Variants in PNKD observed in about 807,000 individuals in gnomAD.
PNKD encodes PNKD metallo-beta-lactamase domain containing, also known as probable thioesterase PNKD.
PNKD carries 36 observed loss-of-function variants against 45.3 expected under a neutral mutation model. The observed-to-expected ratio is 0.80, with a 90% CI of 0.61 to 1.05. The LOEUF (loss-of-function observed/expected upper bound fraction) is 1.05. PNKD is among the 50% of genes least tolerant of loss of function. The pLI, the probability that PNKD is intolerant of heterozygous loss-of-function variation, is 0.00. For synonymous variants in PNKD, 197 were observed against 210.1 expected, an observed-to-expected ratio of 0.94 and a Z score of 0.54; for missense variants, 511 against 506.6, an observed-to-expected ratio of 1.01 and a Z score of -0.08.
intron 2 of PNKD, among the ~76,000 whole-genome samples, chr2:218,294,357 C>T (rs1177690911): frequency 6.6e-6 from 1 of 152,280 alleles, no homozygotes; most frequent in East Asian, 1.9e-4. Flanking sequence ...ATGTATTGCT[C>T]ACAGTTCTGG....
chr2:218,310,242 A>G (rs1021842986), intron 2 of PNKD, among the ~76,000 whole-genome samples: 1 of 152,130 alleles, frequency 6.6e-6, no homozygotes, highest in Non-Finnish European at 1.5e-5. Flanking sequence ...TGTTTTTTTG[A>G]GACGGAATCT....
intron 2 of PNKD, chr2:218,278,141 GACA>G: frequency 1.4e-6 from 1 of 690,660 alleles, no homozygotes. Context: ...GGTACGCAGG[GACA>G]ACATGGGCCA....
intron 2 of PNKD, among the ~76,000 whole-genome samples, chr2:218,273,213 C>T (rs1431486058): frequency 6.6e-6 from 1 of 152,242 alleles, no homozygotes; most frequent in Non-Finnish European, 1.5e-5. Context: ...AAAAGCACTG[C>T]TCTTTACTGA....
At chr2:218,299,890 G>A (rs1452565440) in intron 2 of PNKD, among the ~76,000 whole-genome samples, 1 of 152,098 alleles carries the variant, frequency 6.6e-6, no homozygotes, top group African/African-American at 2.4e-5. Context: ...CAAAGTGCTG[G>A]GATTACAGGC....
rs1694830666 is a variant in PNKD, at chr2:218,346,535, C to T, written c.*1554C>T. 6.5e-6 allele frequency: 1 copy of T among 154,006 alleles called. No homozygotes were observed. Among genetic ancestry groups the T allele is most frequent in the African/African-American group, 2.4e-5 (1 of 41,444 alleles). 9.5% of individuals were successfully genotyped at this position (154,006 alleles called of 1,614,324 possible). ...CTGGCAAGTTCATCTCTCACGATCCCCTCAAAGGCCCCCTCCTCCAGGAAG... is the reference window on the plus strand; with the variant it reads ...CTGGCAAGTTCATCTCTCACGATCCTCTCAAAGGCCCCCTCCTCCAGGAAG... On this transcript the variant is annotated 3_prime_UTR_variant, in exon 10 of 10. Transcript: ENST00000273077.
chr2:218,338,594 C>G (rs1458001994), intron 2 of PNKD, among the ~76,000 whole-genome samples: 1 of 152,028 alleles, frequency 6.6e-6, no homozygotes, highest in South Asian at 2.1e-4. Flanking sequence ...AACTGAGACC[C>G]CATCTCTACA....
chr2:218,272,711 T>G, intron 2 of PNKD: 1 of 1,614,196 alleles, frequency 6.2e-7, no homozygotes, highest in African/African-American at 1.3e-5. Context: ...GGTTCAGGGC[T>G]TCCTCCCAGA....
At chr2:218,322,101 T>C (rs1398016839) in intron 2 of PNKD, among the ~76,000 whole-genome samples, 2 of 151,944 alleles carry the variant, frequency 1.3e-5, no homozygotes, top group Admixed American at 1.3e-4. Context: ...TTTGTATTTT[T>C]AGTAAAGACG....
At chr2:218,294,717 A>G (rs1339063759) in intron 2 of PNKD, among the ~76,000 whole-genome samples, 6 of 152,110 alleles carry the variant, frequency 3.9e-5, no homozygotes, top group African/African-American at 1.2e-4. Flanking sequence ...GGCTCAAGCA[A>G]TTTGCCCTCC....
At chr2:218,272,748 G>A (rs1690899887) in intron 2 of PNKD, 4 of 1,614,182 alleles carry the variant, frequency 2.5e-6, no homozygotes, top group Non-Finnish European at 3.4e-6. Flanking sequence ...TGTTGGGTCT[G>A]GGGTGCAGAC....
At chr2:218,281,889 T>C in intron 2 of PNKD, 3 of 1,474,276 alleles carry the variant, frequency 2.0e-6, no homozygotes, top group Non-Finnish European at 2.8e-6. Context: ...CCTCATCTGC[T>C]CCAAGTGCTG....
At chr2:218,291,636 C>T (rs747587623) in intron 2 of PNKD, among the ~76,000 whole-genome samples, 3 of 152,240 alleles carry the variant, frequency 2.0e-5, no homozygotes, top group South Asian at 2.1e-4. Context: ...GAATTGGTGC[C>T]GACCCCACAA....
In PNKD at chr2:218,282,226, G is replaced by A. The variant is rs558788541; in HGVS notation, c.236+10677G>A. The A allele has an allele frequency of 7.5e-5, 87 of 1,164,018 alleles. No homozygotes were observed. In the African/African-American group the frequency reaches 1.1e-3, roughly 15 times the overall value. 72.1% of individuals were successfully genotyped at this position (1,164,018 alleles called of 1,614,324 possible). A position where few individuals can be genotyped will look rare whatever the true frequency, so the allele number is the denominator to read the frequency against. Reference sequence around the variant, plus strand: ...AAGCAATCGTGAATGCCCAGGCCCAGCTCACTCAGCCTCATGGGCCCACTT... The same window carrying A: ...AAGCAATCGTGAATGCCCAGGCCCAACTCACTCAGCCTCATGGGCCCACTT... On this transcript the variant is annotated intron_variant, in intron 2 of 9. Coordinates refer to ENST00000273077, the MANE Select transcript of PNKD (RefSeq NM_015488.5).
intron 2 of PNKD, among the ~76,000 whole-genome samples, chr2:218,292,133 G>A (rs1196888136): frequency 6.6e-6 from 1 of 152,196 alleles, no homozygotes; most frequent in African/African-American, 2.4e-5. Flanking sequence ...GATAGGCCCT[G>A]CGACAGAGAG....
At chr2:218,292,129 C>T (rs1692968574) in intron 2 of PNKD, among the ~76,000 whole-genome samples, 1 of 152,188 alleles carries the variant, frequency 6.6e-6, no homozygotes, top group Non-Finnish European at 1.5e-5. Flanking sequence ...GGTGGATAGG[C>T]CCTGCGACAG....
In PNKD at chr2:218,343,596, C is replaced by T. The variant is rs201666546; in HGVS notation, c.868+10C>T. 5.6e-6 allele frequency: 9 copies of T among 1,597,284 alleles called. No homozygotes were observed. In the East Asian group the frequency reaches 1.6e-4, roughly 28 times the overall value. ...ACCCTTCTGTGGCCTGGTGAGACAC[C>T]CCCTTACTACTCCCCATCCTCCAGC... On this transcript the variant is annotated intron_variant, in intron 8 of 9. Transcript: ENST00000273077.
chr2:218,314,372 C>T (rs1414163707), intron 2 of PNKD, among the ~76,000 whole-genome samples: 2 of 151,878 alleles, frequency 1.3e-5, no homozygotes, highest in Admixed American at 6.6e-5. Flanking sequence ...CAGGCGTGTA[C>T]CACCAAGCCT....
intron 2 of PNKD, among the ~76,000 whole-genome samples, chr2:218,338,961 C>CT (rs561427392): frequency 2.5e-4 from 37 of 149,640 alleles, no homozygotes; most frequent in Middle Eastern, 3.7e-3. Context: ...CCCAGCTATT[C>CT]TTTTTTTTGT....
chr2:218,340,586 C>T lies in PNKD; in HGVS notation c.466-142C>T. 1 of 729,908 alleles carries T rather than the reference C, an allele frequency of 1.4e-6. No individual in the cohort carries two copies. The highest frequency in any genetic ancestry group is 2.5e-6 in the Non-Finnish European group (1 of 399,522). 45.2% of individuals were successfully genotyped at this position (729,908 alleles called of 1,614,324 possible). A position where few individuals can be genotyped will look rare whatever the true frequency, so the allele number is the denominator to read the frequency against. ...CGTGCTTCACATTCCTGGATCTCTC[C>T]CCTCCAGCTCCATCCCTTTCCTCTG... On this transcript the variant is annotated intron_variant, in intron 4 of 9. Transcript: ENST00000273077. The surrounding 1 kb of genome is among the most constrained non-coding windows in gnomAD (Gnocchi z 4.2).
Sources: gnomAD v4.1 joint callset for allele counts (sites outside exome capture counted in the v4.1 genomes callset) on GRCh38, gnomAD v4.1.1 for gene constraint, Gnocchi (gnomAD v3.1) non-coding constraint, MANE v1.5 for transcripts, NCBI Gene and HGNC (gene_info 2026-07-23, HGNC 2026-07-21) for gene names.